The following GAB2 variants were observed in gnomAD, a reference collection of about 807,000 sequenced individuals.
GAB2 encodes GRB2-associated-binding protein 2.
A neutral mutation model predicts 65.5 loss-of-function variants in GAB2; 26 were observed. The observed-to-expected ratio is 0.40, with a 90% confidence interval of 0.29 to 0.55. GAB2 has a LOEUF of 0.55. Among genes scored for constraint, GAB2 ranks in the 20% least tolerant of loss-of-function variants. GAB2 has a pLI of 0.53. For missense variants in GAB2, 884 were observed against 875.8 expected (o/e 1.01, Z -0.12); for synonymous variants, 321 against 329.6 (o/e 0.97, Z 0.28).
At chr11:78,398,820 T>C (rs559851491) in intron 1 of GAB2, among the ~76,000 whole-genome samples, 1 of 152,056 alleles carries the variant, frequency 6.6e-6, no homozygotes, top group Non-Finnish European at 1.5e-5. Flanking sequence ...GGTCAGAAAA[T>C]GTACAAGATA....
chr11:78,289,072 C>T (rs887475992), intron 1 of GAB2, among the ~76,000 whole-genome samples: 1 of 152,158 alleles, frequency 6.6e-6, no homozygotes. Context: ...ACAATATGCC[C>T]AACTGATTTT....
At chr11:78,268,350 G>A (rs1269959269) in intron 2 of GAB2, among the ~76,000 whole-genome samples, 1 of 152,156 alleles carries the variant, frequency 6.6e-6, no homozygotes, top group Non-Finnish European at 1.5e-5. Flanking sequence ...TACTGATTTT[G>A]TAGAGTTCTG....
At chr11:78,253,800 C>T (rs1045692788) in intron 2 of GAB2, among the ~76,000 whole-genome samples, 1 of 152,080 alleles carries the variant, frequency 6.6e-6, no homozygotes, top group South Asian at 2.1e-4. Context: ...AATAAATACG[C>T]GTTGATCAAA....
chr11:78,399,352 C>A (rs1856941476), intron 1 of GAB2, among the ~76,000 whole-genome samples: 1 of 152,216 alleles, frequency 6.6e-6, no homozygotes, highest in Admixed American at 6.5e-5. Flanking sequence ...TTGGAGGATC[C>A]TGCAGGGTAG....
intron 3 of GAB2, among the ~76,000 whole-genome samples, chr11:78,241,860 TG>T (rs1865144893): frequency 6.6e-6 from 1 of 152,234 alleles, no homozygotes; most frequent in East Asian, 1.9e-4. Flanking sequence ...TAATCATAGT[TG>T]GAGACTTCAA....
intron 1 of GAB2, among the ~76,000 whole-genome samples, chr11:78,382,703 C>T (rs531782602): frequency 1.3e-5 from 2 of 152,276 alleles, no homozygotes; most frequent in South Asian, 2.1e-4. Flanking sequence ...ACCTTTTAGA[C>T]TTAGCCACAA....
chr11:78,344,734 A>C (rs973837208), intron 1 of GAB2, among the ~76,000 whole-genome samples: 2 of 152,232 alleles, frequency 1.3e-5, no homozygotes, highest in African/African-American at 4.8e-5. Flanking sequence ...CCTTCATCTT[A>C]CTTGTTGGAC....
chr11:78,377,736 T>G (rs1856648914), intron 1 of GAB2, among the ~76,000 whole-genome samples: 1 of 152,130 alleles, frequency 6.6e-6, no homozygotes, highest in South Asian at 2.1e-4. Context: ...TTAAATGAGA[T>G]GCAATCGGCT....
chr11:78,284,422 C>A (rs1866417727), intron 1 of GAB2, among the ~76,000 whole-genome samples: 1 of 152,212 alleles, frequency 6.6e-6, no homozygotes, highest in Admixed American at 6.5e-5. Flanking sequence ...AAGCCAAAGT[C>A]CCCACAATGG....
At chr11:78,374,732 C>T (rs760795795) in intron 1 of GAB2, among the ~76,000 whole-genome samples, 4 of 151,690 alleles carry the variant, frequency 2.6e-5, no homozygotes, top group Non-Finnish European at 4.4e-5. Context: ...TATAATGGCA[C>T]ACAGTTTTAC....
chr11:78,239,224 T>C (rs1425937608), intron 3 of GAB2, among the ~76,000 whole-genome samples: 1 of 152,038 alleles, frequency 6.6e-6, no homozygotes, highest in African/African-American at 2.4e-5. Context: ...TTAATTTAAT[T>C]TTATGTATTT....
intron 3 of GAB2, among the ~76,000 whole-genome samples, chr11:78,242,322 G>A (rs1865155026): frequency 6.6e-6 from 1 of 152,058 alleles, no homozygotes; most frequent in Admixed American, 6.6e-5. Flanking sequence ...CTAACACGGT[G>A]AAACCCCATC....
At chr11:78,301,571 G>T (rs1229393042) in intron 1 of GAB2, among the ~76,000 whole-genome samples, 2 of 152,102 alleles carry the variant, frequency 1.3e-5, no homozygotes, top group Non-Finnish European at 2.9e-5. Flanking sequence ...GACTTCAGGT[G>T]ATCTGCCCAC....
At chr11:78,397,587 A>G (rs74834709) in intron 1 of GAB2, among the ~76,000 whole-genome samples, 3,603 of 152,304 alleles carry the variant, frequency 0.024, 139 homozygotes, top group African/African-American at 0.082. Flanking sequence ...ACAGAGGTGA[A>G]ATGGCAGATT....
chr11:78,322,298 C>CAAAAAAAGAAAAAAA (rs1855740266), intron 1 of GAB2, among the ~76,000 whole-genome samples: 1 of 12,062 alleles, frequency 8.3e-5, no homozygotes, highest in Non-Finnish European at 2.3e-4. Context: ...GACTCTGTCT[C>CAAAAAAAGAAAAAAA]AAAAAAAAAA....
At position 78,329,359 on chromosome 11, in the gene GAB2, T is replaced by A. The variant is rs755565252; in HGVS notation, c.76-48458A>T. ...TACAAGAGTACAGATGGCCCTTTCATATTTATCCTCATTTTATCCCCCAAT... is the reference window on the plus strand; with the variant it reads ...TACAAGAGTACAGATGGCCCTTTCAAATTTATCCTCATTTTATCCCCCAAT... On this transcript the variant is annotated intron_variant, in intron 1 of 9. Transcript: ENST00000361507. Among the ~76,000 whole-genome samples, 11 of 152,214 alleles carry A rather than the reference T, an allele frequency of 7.2e-5. No individual in the cohort carries two copies. The South Asian group carries it at 8.3e-4, about 11-fold the overall frequency.
intron 2 of GAB2, among the ~76,000 whole-genome samples, chr11:78,255,133 G>T (rs1482873314): frequency 1.3e-5 from 2 of 152,020 alleles, no homozygotes; most frequent in South Asian, 4.2e-4. Context: ...GAAACACAAA[G>T]GCAGAATACC....
intron 1 of GAB2, among the ~76,000 whole-genome samples, chr11:78,382,870 G>A (rs1408304488): frequency 6.6e-6 from 1 of 152,228 alleles, no homozygotes; most frequent in Non-Finnish European, 1.5e-5. Context: ...GAAAACTAGA[G>A]ATTATGAGCC....
chr11:78,405,934 C>G (rs781382486), intron 1 of GAB2, among the ~76,000 whole-genome samples: 1 of 152,184 alleles, frequency 6.6e-6, no homozygotes, highest in African/African-American at 2.4e-5. Flanking sequence ...ACAATAACTG[C>G]TCTACTCCAG....
Sources: allele counts gnomAD v4.1 joint callset (sites outside exome capture counted in the v4.1 genomes callset), GRCh38; gene constraint gnomAD v4.1.1; transcripts MANE v1.5; gene names NCBI Gene and HGNC (gene_info 2026-07-23, HGNC 2026-07-21).